CPS1: variants seen among roughly 807,000 people sequenced by gnomAD.
The protein encoded by CPS1 is carbamoyl-phosphate synthase [ammonia], mitochondrial.
CPS1 carries 109 observed loss-of-function variants against 174.6 expected under a neutral mutation model. The observed-to-expected ratio is 0.62, with a 90% CI of 0.53 to 0.73. The LOEUF is 0.73. CPS1 is among the 30% of genes least tolerant of loss of function. The pLI is 0.00. For missense variants in CPS1, 1,689 were observed against 1,821.9 expected, an observed-to-expected ratio of 0.93 and a Z score of 1.33; for synonymous variants, 637 against 632.0, an observed-to-expected ratio of 1.01 and a Z score of -0.12.
intron 27 of CPS1, among the ~76,000 whole-genome samples, chr2:210,649,200 T>G (rs146253595): frequency 2.3e-4 from 35 of 152,328 alleles, no homozygotes; most frequent in African/African-American, 8.2e-4. Flanking sequence ...TTTAAAATGA[T>G]GAAAATGAAA....
chr2:210,558,263 GT>G lies in CPS1; in HGVS notation c.126+1408del, dbSNP rs1696983064. On this transcript the variant is annotated intron_variant, in intron 1 of 37. Transcript: ENST00000233072. ...TTTACTCTTTTTAAATGGACATCAT[GT>G]TTTAAAGATAGTTAAAATCATTAGG... 9.2e-5 allele frequency among the ~76,000 whole-genome samples: 14 copies of G among 152,122 alleles called. No individual in the cohort carries two copies. In the South Asian group the frequency reaches 2.7e-3, roughly 29 times the overall value.
intron 15 of CPS1, 79 bp from the exon 16 acceptor site, chr2:210,602,123 T>C (rs1698747195): frequency 6.4e-7 from 1 of 1,571,780 alleles, no homozygotes; most frequent in Non-Finnish European, 8.7e-7. Flanking sequence ...GTTTACCTGA[T>C]TGCCAGACTC....
intron 32 of CPS1, among the ~76,000 whole-genome samples, chr2:210,661,620 C>T (rs1199786713): frequency 1.3e-5 from 2 of 151,990 alleles, no homozygotes; most frequent in Admixed American, 6.6e-5. Context: ...TTTTATAGTG[C>T]ATTGAGATGG....
intron 1 of CPS1, among the ~76,000 whole-genome samples, chr2:210,480,808 C>T (rs1458341762): frequency 6.6e-6 from 1 of 152,148 alleles, no homozygotes; most frequent in African/African-American, 2.4e-5. Flanking sequence ...GCAAGAGCAT[C>T]TAAGCTTGAG....
chr2:210,593,137 C>CTT (rs1698367956), intron 11 of CPS1, among the ~76,000 whole-genome samples, 181 bp downstream of exon 11: 1 of 151,752 alleles, frequency 6.6e-6, no homozygotes, highest in South Asian at 2.1e-4. Flanking sequence ...AAATTTTTAT[C>CTT]TTTTTTAAAA....
intron 1 of CPS1, among the ~76,000 whole-genome samples, chr2:210,558,596 A>T (rs1252126112): frequency 1.3e-5 from 2 of 151,920 alleles, no homozygotes; most frequent in African/African-American, 4.8e-5. Context: ...TCTTCTTCTC[A>T]CTCTGTGAGA....
chr2:210,481,632 T>C (rs1016239393), intron 1 of CPS1, among the ~76,000 whole-genome samples: 1 of 152,258 alleles, frequency 6.6e-6, no homozygotes, highest in Non-Finnish European at 1.5e-5. Flanking sequence ...TTTTAAGATT[T>C]GGAATTGCCA....
chr2:210,498,579 G>A (rs868607420), intron 1 of CPS1, among the ~76,000 whole-genome samples: 8 of 152,084 alleles, frequency 5.3e-5, no homozygotes, highest in African/African-American at 9.7e-5. Context: ...TTTTCTAGGC[G>A]TAGAATCATA....
At chr2:210,559,016 A>T (rs1697013665) in intron 1 of CPS1, among the ~76,000 whole-genome samples, 2 of 152,126 alleles carry the variant, frequency 1.3e-5, no homozygotes, top group South Asian at 4.1e-4. Context: ...AATTCCATAG[A>T]ACAGCCCAAG....
chr2:210,594,364 C>G, intron 11 of CPS1, 144 bp from the exon 12 acceptor site: 1 of 643,304 alleles, frequency 1.6e-6, no homozygotes, highest in Non-Finnish European at 2.7e-6. Flanking sequence ...TAGTTATTGA[C>G]AAAAAAGCAA....
intron 21 of CPS1, among the ~76,000 whole-genome samples, chr2:210,626,132 G>C (rs575885473): frequency 6.8e-4 from 103 of 152,148 alleles, no homozygotes; most frequent in African/African-American, 2.4e-3. Context: ...GTGTTAATTT[G>C]TATGAATGCA....
At chr2:210,625,296 A>G (rs1699664604) in intron 21 of CPS1, among the ~76,000 whole-genome samples, 1 of 152,056 alleles carries the variant, frequency 6.6e-6, no homozygotes, top group South Asian at 2.1e-4. Flanking sequence ...CAGTCATTGA[A>G]TCTATAATAT....
chr2:210,577,644 C>T, intron 4 of CPS1, 134 bp downstream of exon 4: 1 of 763,436 alleles, frequency 1.3e-6, no homozygotes, highest in Non-Finnish European at 2.4e-6. Context: ...GATTCCTTCT[C>T]TTACTACATA....
intron 1 of CPS1, among the ~76,000 whole-genome samples, chr2:210,510,373 T>C (rs1013490566): frequency 2.7e-4 from 41 of 152,178 alleles, no homozygotes; most frequent in African/African-American, 9.9e-4. Context: ...ATACAAAAAT[T>C]AATTCAAGAT....
chr2:210,527,092 T>C (rs755924892), intron 1 of CPS1, among the ~76,000 whole-genome samples: 1 of 151,960 alleles, frequency 6.6e-6, no homozygotes, highest in African/African-American at 2.4e-5. Flanking sequence ...TTTTAAGTTA[T>C]TCAATAGCCT....
chr2:210,565,355 G>T (rs969995993), intron 1 of CPS1, among the ~76,000 whole-genome samples: 3 of 152,092 alleles, frequency 2.0e-5, no homozygotes, highest in Non-Finnish European at 4.4e-5. Context: ...TTTATAACCT[G>T]ATTGGCTCCC....
At chr2:210,507,704 CAA>C (rs1211815641) in intron 1 of CPS1, among the ~76,000 whole-genome samples, 1 of 150,346 alleles carries the variant, frequency 6.7e-6, no homozygotes, top group Non-Finnish European at 1.5e-5. Context: ...AAATGGAAAA[CAA>C]AAAAAGGCAG....
intron 13 of CPS1, among the ~76,000 whole-genome samples, chr2:210,596,722 T>A (rs1390711628): frequency 1.3e-5 from 2 of 152,130 alleles, no homozygotes; most frequent in East Asian, 1.9e-4. Flanking sequence ...TAGTACACAA[T>A]CTAAGTGTGT....
intron 1 of CPS1, among the ~76,000 whole-genome samples, chr2:210,543,027 A>C (rs1696473045): frequency 6.6e-6 from 1 of 152,088 alleles, no homozygotes. Context: ...TGGATTAAAG[A>C]AACACTCCTT....
Sources: gnomAD v4.1 joint callset for allele counts (sites outside exome capture counted in the v4.1 genomes callset) on GRCh38, gnomAD v4.1.1 for gene constraint, MANE v1.5 for transcripts, NCBI Gene and HGNC (gene_info 2026-07-23, HGNC 2026-07-21) for gene names.